The following NDST4 variants were observed in gnomAD, a reference collection of about 807,000 sequenced individuals.
NDST4 encodes the protein N-deacetylase and N-sulfotransferase 4.
Under a neutral mutation model 100.8 loss-of-function variants are expected in NDST4, and 63 were observed. That is an observed-to-expected ratio of 0.62 (90% CI 0.51 to 0.77). The LOEUF is 0.77. NDST4 is among the 30% of genes least tolerant of loss of function. NDST4 has a pLI of 0.00. For synonymous variants in NDST4, 377 were observed against 361.8 expected, an observed-to-expected ratio of 1.04 and a Z score of -0.48; for missense variants, 943 against 1,018.4, an observed-to-expected ratio of 0.93 and a Z score of 1.01.
chr4:115,108,851 G>T (rs1164876357), intron 1 of NDST4, among the ~76,000 whole-genome samples: 1 of 151,702 alleles, frequency 6.6e-6, no homozygotes, highest in Non-Finnish European at 1.5e-5. Flanking sequence ...CAGGTTATTA[G>T]ATTAATAATT....
chr4:114,916,158 A>G (rs1233262740), intron 6 of NDST4, among the ~76,000 whole-genome samples: 1 of 152,148 alleles, frequency 6.6e-6, no homozygotes, highest in Non-Finnish European at 1.5e-5. Flanking sequence ...AGCCACTCTC[A>G]TGGTCTGGTG....
At chr4:114,840,864 A>G (rs1039199954) in intron 10 of NDST4, among the ~76,000 whole-genome samples, 3 of 152,166 alleles carry the variant, frequency 2.0e-5, no homozygotes, top group Non-Finnish European at 2.9e-5. Flanking sequence ...GATGATTAGG[A>G]ATTGATGAGT....
At chr4:115,074,835 C>G (rs541685138) in intron 2 of NDST4, among the ~76,000 whole-genome samples, 1 of 152,232 alleles carries the variant, frequency 6.6e-6, no homozygotes, top group Admixed American at 6.5e-5. Context: ...TCGATAACAT[C>G]TTAACACTCT....
chr4:115,098,153 T>C (rs1242399414), intron 1 of NDST4, among the ~76,000 whole-genome samples: 1 of 152,208 alleles, frequency 6.6e-6, no homozygotes, highest in Non-Finnish European at 1.5e-5. Flanking sequence ...TCTTTGAAGC[T>C]GGAATATTAT....
intron 4 of NDST4, among the ~76,000 whole-genome samples, chr4:114,969,882 T>C (rs1194716870): frequency 6.6e-6 from 1 of 152,212 alleles, no homozygotes; most frequent in Non-Finnish European, 1.5e-5. Context: ...CTTTGAGAAA[T>C]TGCCACACTG....
intron 2 of NDST4, among the ~76,000 whole-genome samples, chr4:114,992,754 A>T (rs1727069555): frequency 6.6e-6 from 1 of 151,796 alleles, no homozygotes; most frequent in South Asian, 2.1e-4. Flanking sequence ...CATTTATTTC[A>T]CAGATAAGTT....
intron 6 of NDST4, among the ~76,000 whole-genome samples, chr4:114,887,814 T>C (rs1724511301): frequency 6.6e-6 from 1 of 152,194 alleles, no homozygotes; most frequent in Non-Finnish European, 1.5e-5. Context: ...GGACATTTAC[T>C]CACCAATTTT....
rs561607070 is a variant in NDST4 at position 115,009,322 on chromosome 4, G to A, written c.979-32048C>T. 2.3e-5 allele frequency among the ~76,000 whole-genome samples: 3 copies of A among 128,648 alleles called. 1 individual carries two copies. The South Asian group carries it at 9.0e-4, about 39-fold the overall frequency. 84.4% of individuals were successfully genotyped at this position (128,648 alleles called of 152,430 possible). On this transcript the variant is annotated intron_variant, in intron 2 of 13. Coordinates refer to ENST00000264363, the MANE Select transcript of NDST4 (RefSeq NM_022569.3). ...ACAGTAACCAAAACAGCATGGTACT[G>A]GTACCAAAACAGAGATATAGATCAA...
chr4:114,931,480 G>C (rs1725512961), intron 6 of NDST4, among the ~76,000 whole-genome samples: 1 of 151,098 alleles, frequency 6.6e-6, no homozygotes, highest in Admixed American at 6.6e-5. Context: ...TTAGTCCAAA[G>C]TCAGCAGAAA....
chr4:114,904,082 C>T (rs1724900463), intron 6 of NDST4, among the ~76,000 whole-genome samples: 1 of 151,924 alleles, frequency 6.6e-6, no homozygotes, highest in Admixed American at 6.6e-5. Context: ...TTTGCCCTTT[C>T]ATTAATGCAG....
intron 2 of NDST4, among the ~76,000 whole-genome samples, chr4:114,983,511 A>T (rs279513): frequency 0.41 from 62,570 of 151,904 alleles, 13,862 homozygotes; most frequent in African/African-American, 0.58. Context: ...TTTTGGCCAA[A>T]TTCTTCTATT....
chr4:115,091,761 G>T (rs1278876286), intron 1 of NDST4, among the ~76,000 whole-genome samples: 2 of 152,080 alleles, frequency 1.3e-5, no homozygotes, highest in Non-Finnish European at 2.9e-5. Flanking sequence ...AGTATACTCA[G>T]ATTAATCATT....
chr4:115,112,837 T>A (rs1729981582), intron 1 of NDST4, among the ~76,000 whole-genome samples: 1 of 151,968 alleles, frequency 6.6e-6, no homozygotes, highest in Non-Finnish European at 1.5e-5. Flanking sequence ...TATATTGTTC[T>A]AAGAATTTAT....
intron 2 of NDST4, among the ~76,000 whole-genome samples, chr4:114,988,181 T>A (rs530620908): frequency 6.6e-6 from 1 of 151,910 alleles, no homozygotes; most frequent in Admixed American, 6.6e-5. Flanking sequence ...TTAAAGCATC[T>A]TATTCTTGCT....
rs886717819 is a variant in NDST4, at chr4:115,062,461, C to T, written c.978+13598G>A. On this transcript the variant is annotated intron_variant, in intron 2 of 13. Transcript: ENST00000264363. ...ACAAAATATACACACGAAAAAATGC[C>T]CACAAGCGATGCATGATCATATTGA... Among the ~76,000 whole-genome samples, 5 of 151,416 alleles carry T rather than the reference C, an allele frequency of 3.3e-5. 1 individual carries two copies. The highest frequency in any genetic ancestry group is 6.6e-5 in the Admixed American group (1 of 15,162).
chr4:114,985,646 C>G (rs564321499), intron 2 of NDST4, among the ~76,000 whole-genome samples: 27 of 152,182 alleles, frequency 1.8e-4, no homozygotes, highest in African/African-American at 5.8e-4. Context: ...TTTGATGGAA[C>G]CTACATTCTT....
At chr4:114,945,149 G>A (rs774826458) in intron 4 of NDST4, among the ~76,000 whole-genome samples, 1 of 146,738 alleles carries the variant, frequency 6.8e-6, no homozygotes, top group Non-Finnish European at 1.5e-5. Flanking sequence ...GCCGGGTTGT[G>A]GTGAGCCGAG....
At chr4:115,068,815 C>CAAAAAAAAAAAAAA (rs34003720) in intron 2 of NDST4, among the ~76,000 whole-genome samples, 1 of 77,622 alleles carries the variant, frequency 1.3e-5, no homozygotes, top group African/African-American at 4.1e-5. Flanking sequence ...GGCTCCATCT[C>CAAAAAAAAAAAAAA]AAAAAAAAAA....
chr4:115,038,328 G>T (rs1286968439), intron 2 of NDST4, among the ~76,000 whole-genome samples: 1 of 152,092 alleles, frequency 6.6e-6, no homozygotes, highest in Non-Finnish European at 1.5e-5. Flanking sequence ...TTTAGTGACA[G>T]CCAAAAGGAG....
Sources: gnomAD v4.1 joint callset for allele counts (sites outside exome capture counted in the v4.1 genomes callset) on GRCh38, gnomAD v4.1.1 for gene constraint, MANE v1.5 for transcripts, NCBI Gene and HGNC (gene_info 2026-07-23, HGNC 2026-07-21) for gene names.